CSMD1: variants seen among roughly 807,000 people sequenced by gnomAD.
The protein encoded by CSMD1 is CUB and sushi domain-containing protein 1.
CSMD1 carries 213 observed loss-of-function variants against 417.5 expected under a neutral mutation model. That is an observed-to-expected ratio of 0.51 (90% CI 0.46 to 0.57). The LOEUF (loss-of-function observed/expected upper bound fraction) is 0.57. CSMD1 is among the 20% of genes least tolerant of loss of function. The pLI, the probability that CSMD1 is intolerant of heterozygous loss-of-function variation, is 0.00. For missense variants in CSMD1, 6,923 were observed against 4,529.7 expected (o/e 1.53, Z -15.17); for synonymous variants, 2,862 against 1,736.8 (o/e 1.65, Z -16.11).
intron 12 of CSMD1, among the ~76,000 whole-genome samples, chr8:3,444,553 C>T (rs561804446): frequency 1.3e-5 from 2 of 152,092 alleles, no homozygotes; most frequent in African/African-American, 4.8e-5. Flanking sequence ...TATTTGCACA[C>T]TGAGGGTGAG....
intron 3 of CSMD1, among the ~76,000 whole-genome samples, chr8:4,068,476 A>G (rs574311534): frequency 6.6e-6 from 1 of 152,354 alleles, no homozygotes; most frequent in South Asian, 2.1e-4. Context: ...ATGACACCAT[A>G]ACACATAGCA....
rs559654440 is a variant in CSMD1 at position 4,159,463 on chromosome 8, G to A, written c.416-127364C>T. On this transcript the variant is annotated intron_variant, in intron 3 of 69. Transcript: ENST00000635120. ...GTTTATGGCAGCACAATTCACTACT[G>A]TAAAAATGTATCCATCAATCAACGA... Among the ~76,000 whole-genome samples the A allele has an allele frequency of 2.6e-5, 4 of 152,274 alleles. No homozygotes were observed. In the South Asian group the frequency reaches 8.3e-4, roughly 32 times the overall value.
intron 10 of CSMD1, among the ~76,000 whole-genome samples, chr8:3,550,751 A>C (rs75147460): frequency 6.6e-6 from 1 of 152,178 alleles, no homozygotes; most frequent in East Asian, 1.9e-4. Context: ...TTCATGGCCA[A>C]CCAGGCTTGC....
rs1217543919 is a variant in CSMD1, at chr8:3,772,390, TATATACAC to T, written c.819-18356_819-18349del. 5.0e-5 allele frequency among the ~76,000 whole-genome samples: 6 copies of T among 120,720 alleles called. 1 individual carries two copies. Among genetic ancestry groups the T allele is most frequent in the South Asian group, 2.4e-4 (1 of 4,170 alleles). 79.2% of individuals were successfully genotyped at this position (120,720 alleles called of 152,430 possible). A position where few individuals can be genotyped will look rare whatever the true frequency, so the allele number is the denominator to read the frequency against. ...ATATATACATATATTCATATATTTA[TATATACAC>T]ATATATACATATATTTATATATACA... On this transcript the variant is annotated intron_variant, in intron 5 of 69. Transcript: ENST00000635120.
intron 5 of CSMD1, among the ~76,000 whole-genome samples, chr8:3,913,781 G>C (rs147181495): frequency 6.6e-6 from 1 of 152,248 alleles, no homozygotes; most frequent in African/African-American, 2.4e-5. Flanking sequence ...TAAACAACTT[G>C]TATCTTAATG....
At chr8:3,620,123 A>G (rs113767539) in intron 7 of CSMD1, among the ~76,000 whole-genome samples, 4,297 of 152,276 alleles carry the variant, frequency 0.028, 187 homozygotes, top group African/African-American at 0.098. Context: ...AAAAGAAAAG[A>G]AAAGAAAAGC....
At chr8:4,348,534 A>T (rs1800904935) in intron 3 of CSMD1, among the ~76,000 whole-genome samples, 1 of 150,698 alleles carries the variant, frequency 6.6e-6, no homozygotes, top group Non-Finnish European at 1.5e-5. Flanking sequence ...TGAGAGTTGT[A>T]TCACAAATAA....
intron 23 of CSMD1, among the ~76,000 whole-genome samples, chr8:3,317,095 A>G (rs962532530): frequency 6.6e-6 from 1 of 152,252 alleles, no homozygotes; most frequent in South Asian, 2.1e-4. Flanking sequence ...GTCTGTGATG[A>G]AGAGAGGACA....
chr8:4,992,487 G>T (rs940443373), intron 1 of CSMD1, among the ~76,000 whole-genome samples: 1 of 152,208 alleles, frequency 6.6e-6, no homozygotes, highest in African/African-American at 2.4e-5. Flanking sequence ...GCAGGGGAAA[G>T]GGCGGGAAGT....
intron 4 of CSMD1, among the ~76,000 whole-genome samples, chr8:4,028,897 G>A (rs536984956): frequency 6.6e-6 from 1 of 152,168 alleles, no homozygotes; most frequent in East Asian, 1.9e-4. Flanking sequence ...CCTAAGAGTT[G>A]AAGTATGCTC....
At chr8:4,480,385 G>C (rs1412158724) in intron 2 of CSMD1, among the ~76,000 whole-genome samples, 1 of 152,120 alleles carries the variant, frequency 6.6e-6, no homozygotes, top group Non-Finnish European at 1.5e-5. Flanking sequence ...TAGAATATTT[G>C]AGCCTTAATT....
chr8:4,207,661 A>C (rs1327233557), intron 3 of CSMD1, among the ~76,000 whole-genome samples: 6 of 152,162 alleles, frequency 3.9e-5, no homozygotes, highest in Non-Finnish European at 7.4e-5. Flanking sequence ...ATTCCTACAT[A>C]AATTAGTGTG....
intron 7 of CSMD1, among the ~76,000 whole-genome samples, chr8:3,658,952 C>T (rs1435677179): frequency 6.6e-6 from 1 of 152,078 alleles, no homozygotes; most frequent in Non-Finnish European, 1.5e-5. Flanking sequence ...TAAAATATAA[C>T]TTTCATATGC....
chr8:4,482,256 C>A (rs1018190991), intron 2 of CSMD1, among the ~76,000 whole-genome samples: 1 of 152,192 alleles, frequency 6.6e-6, no homozygotes, highest in Non-Finnish European at 1.5e-5. Context: ...CCATCCTCCA[C>A]CCTTATAGCC....
chr8:4,554,422 C>T (rs1344185027), intron 2 of CSMD1, among the ~76,000 whole-genome samples: 1 of 152,186 alleles, frequency 6.6e-6, no homozygotes, highest in Non-Finnish European at 1.5e-5. Flanking sequence ...CAGGCGTGAA[C>T]AGGCCACCGC....
chr8:3,615,329 T>C (rs1802081721), intron 8 of CSMD1, among the ~76,000 whole-genome samples: 1 of 152,144 alleles, frequency 6.6e-6, no homozygotes, highest in Non-Finnish European at 1.5e-5. Context: ...GAGTCTCCAG[T>C]AAAAACATCC....
intron 7 of CSMD1, among the ~76,000 whole-genome samples, chr8:3,623,901 C>T (rs1332934289): frequency 6.6e-6 from 1 of 151,844 alleles, no homozygotes. Context: ...CGCTTGAACC[C>T]GGGAGGCGGA....
intron 10 of CSMD1, among the ~76,000 whole-genome samples, chr8:3,529,050 T>G (rs988590037): frequency 9.2e-5 from 14 of 152,190 alleles, no homozygotes; most frequent in Non-Finnish European, 1.9e-4. Context: ...AAGGCTCACT[T>G]TAGTACAAGC....
intron 4 of CSMD1, among the ~76,000 whole-genome samples, chr8:4,028,529 G>A (rs1797180782): frequency 6.6e-6 from 1 of 151,960 alleles, no homozygotes; most frequent in Non-Finnish European, 1.5e-5. Flanking sequence ...AGGCAAATAT[G>A]CAATAACTAG....
Sources: allele counts gnomAD v4.1 joint callset (sites outside exome capture counted in the v4.1 genomes callset), GRCh38; gene constraint gnomAD v4.1.1; transcripts MANE v1.5; gene names NCBI Gene and HGNC (gene_info 2026-07-23, HGNC 2026-07-21).